The following TRIO variants were observed in gnomAD, a reference collection of about 807,000 sequenced individuals.
The protein encoded by TRIO is trio Rho guanine nucleotide exchange factor.
A neutral mutation model predicts 351.9 loss-of-function variants in TRIO; 58 were observed. That is an observed-to-expected ratio of 0.16 (90% CI 0.13 to 0.21). The LOEUF is 0.21. Ranked by LOEUF, TRIO falls within the 10% of genes least tolerant of loss-of-function variation. The pLI is 1.00. For missense variants in TRIO, 3,201 were observed against 4,027.8 expected (o/e 0.79, Z 5.56); for synonymous variants, 1,758 against 1,595.7 (o/e 1.10, Z -2.42).
chr5:14,316,158 A>G (rs1194466167), intron 8 of TRIO, among the ~76,000 whole-genome samples: 12 of 152,218 alleles, frequency 7.9e-5, no homozygotes, highest in Non-Finnish European at 1.8e-4. Flanking sequence ...CCAGGAATGC[A>G]GTTTCTGTTA....
Position 14,364,800 on chromosome 5 carries a change from A to T in TRIO, c.2738A>T (p.Gln913Leu). The T allele has an allele frequency of 6.2e-7, 1 of 1,608,070 alleles. No homozygotes were observed. The highest frequency in any genetic ancestry group is 8.5e-7 in the Non-Finnish European group (1 of 1,177,694). ...LEQCVQLRHLQAEVKQVLGWI... is the reference protein window; with the variant it reads ...LEQCVQLRHLLAEVKQVLGWI... ...CAGTGCGTGCAGCTGCGCCACCTGC[A>T]GGCAGAAGTGAAACAGGTGAGCAAA... The change falls in exon 15 of 57, where the codon CAG becomes CTG. Residue 913 changes from glutamine (Q) to leucine (L), a missense_variant. Around this residue, in one of 19 missense-constraint regions of TRIO, gnomAD observed 363 missense variants for 553.5 expected, o/e 0.66. Transcript: ENST00000344204.
rs148029927 is a variant in TRIO at position 14,461,536 on chromosome 5, AAAAC to A, written c.5496+241_5496+244del. Among the ~76,000 whole-genome samples, 756 of 152,328 alleles carry A rather than the reference AAAAC, an allele frequency of 5.0e-3. 8 individuals are homozygous for A. The highest frequency in any genetic ancestry group is 0.016 in the African/African-American group (655 of 41,566). ...CAGGACCACGTGTGGCTTCTGATTA[AAAAC>A]AAACAAACAAACAAAACAGATCACC... On this transcript the variant is annotated intron_variant, in intron 35 of 56. Coordinates refer to ENST00000344204, the MANE Select transcript of TRIO (RefSeq NM_007118.4).
At position 14,481,576 on chromosome 5, in the gene TRIO, G is replaced by A. The variant is rs780991314; in HGVS notation, c.6423G>A (p.Arg2141=). ...AAGTCATGTGCATAGTACCCAGGCG[G>A]TGCAACGACATGATGAACGTGGGGC... The part of the protein sequence containing the change: ...AVEVMCIVPR[R]CNDMMNVGRL... The change falls in exon 45 of 57, where the codon CGG becomes CGA. Residue 2141 remains arginine (R), a synonymous_variant. Transcript: ENST00000344204. 46 of 1,613,960 alleles carry A rather than the reference G, an allele frequency of 2.9e-5. No individual in the cohort carries two copies. The highest frequency in any genetic ancestry group is 3.6e-5 in the Non-Finnish European group (43 of 1,180,026).
chr5:14,242,894 A>C (rs559797036), intron 1 of TRIO, among the ~76,000 whole-genome samples: 37 of 152,336 alleles, frequency 2.4e-4, no homozygotes, highest in African/African-American at 8.4e-4. Flanking sequence ...AATGGGAAAC[A>C]CAGGCCCTGC....
chr5:14,190,469 A>G (rs1394348736), intron 1 of TRIO, among the ~76,000 whole-genome samples: 2 of 152,208 alleles, frequency 1.3e-5, no homozygotes, highest in East Asian at 1.9e-4. Context: ...TGTGTGCGAG[A>G]TAAGTCTATT....
At chr5:14,201,584 G>A (rs1322437074) in intron 1 of TRIO, among the ~76,000 whole-genome samples, 1 of 152,138 alleles carries the variant, frequency 6.6e-6, no homozygotes, top group Non-Finnish European at 1.5e-5. Context: ...CTTTCCTGGT[G>A]GGTAGGAGGC....
chr5:14,258,109 G>GT (rs1197452018), intron 1 of TRIO, among the ~76,000 whole-genome samples: 1 of 152,202 alleles, frequency 6.6e-6, no homozygotes, highest in Non-Finnish European at 1.5e-5. Flanking sequence ...ACAAAATTTC[G>GT]TTTTGAGTTG....
chr5:14,369,339 G>A lies in TRIO; in HGVS notation c.3067-35G>A, dbSNP rs767541136. 1.3e-5 allele frequency: 21 copies of A among 1,572,592 alleles called. No individual in the cohort carries two copies. In the East Asian group the frequency reaches 4.5e-4, roughly 34 times the overall value. ...GGGATACCAGTCGGCAGTGGCAGAT[G>A]CCAAGTCTGAGCCTCAAACTTTTCC... is the stretch of plus-strand genomic sequence containing the variant. On this transcript the variant is annotated intron_variant, in intron 17 of 56. Coordinates refer to ENST00000344204, the MANE Select transcript of TRIO (RefSeq NM_007118.4).
chr5:14,449,621 C>T (rs916950280), intron 34 of TRIO, among the ~76,000 whole-genome samples: 3 of 152,220 alleles, frequency 2.0e-5, no homozygotes. Flanking sequence ...GTTTCTAAAG[C>T]ATTCCTGAGC....
chr5:14,356,835 G>A (rs1375168431), intron 11 of TRIO, among the ~76,000 whole-genome samples: 3 of 149,376 alleles, frequency 2.0e-5, no homozygotes, highest in African/African-American at 7.5e-5. Flanking sequence ...TAAATCTCAG[G>A]GTAATTATGC....
At chr5:14,433,407 G>A (rs570213067) in intron 34 of TRIO, among the ~76,000 whole-genome samples, 38 of 152,300 alleles carry the variant, frequency 2.5e-4, no homozygotes, top group East Asian at 7.7e-4. Context: ...TAAAGAAACC[G>A]GAGAAAACTT....
intron 1 of TRIO, among the ~76,000 whole-genome samples, chr5:14,168,598 G>T (rs1788919610): frequency 6.6e-6 from 1 of 152,192 alleles, no homozygotes. Flanking sequence ...TTCTAGTGCT[G>T]TGTTTGTGGT....
chr5:14,264,697 T>C (rs1183746107), intron 1 of TRIO, among the ~76,000 whole-genome samples: 1 of 152,218 alleles, frequency 6.6e-6, no homozygotes, highest in Non-Finnish European at 1.5e-5. Flanking sequence ...CGTGCACAGC[T>C]AAAACCCTTG....
chr5:14,327,641 T>A (rs1442309021), intron 9 of TRIO, among the ~76,000 whole-genome samples: 2 of 152,206 alleles, frequency 1.3e-5, no homozygotes, highest in African/African-American at 4.8e-5. Flanking sequence ...TTTACGTAAG[T>A]TAAGTAATAT....
chr5:14,486,694 T>TAGTTACTTTA (rs1158059632), intron 47 of TRIO, among the ~76,000 whole-genome samples: 1 of 152,188 alleles, frequency 6.6e-6, no homozygotes, highest in African/African-American at 2.4e-5. Context: ...TAGTAATACC[T>TAGTTACTTTA]ATCCCAGAGG....
At chr5:14,330,593 T>C (rs1056962868) in intron 9 of TRIO, among the ~76,000 whole-genome samples, 185 bp from the exon 10 acceptor site, 1 of 152,250 alleles carries the variant, frequency 6.6e-6, no homozygotes, top group Non-Finnish European at 1.5e-5. Flanking sequence ...CTGATGTAAT[T>C]ATCAGCTTGT....
rs256422 is a variant in TRIO at position 14,347,341 on chromosome 5, T to C, written c.2046+10614T>C. On this transcript the variant is annotated intron_variant, in intron 11 of 56. Transcript: ENST00000344204. ...ATGATGCTGGACCAGTCATCTCAGGTGGACCTGAGGTCCTGCAGAACAGAG... is the reference window on the plus strand; with the variant it reads ...ATGATGCTGGACCAGTCATCTCAGGCGGACCTGAGGTCCTGCAGAACAGAG... Among the ~76,000 whole-genome samples the C allele has an allele frequency of 3.6e-3, 85 of 23,448 alleles. 4 individuals carry two copies. The highest frequency in any genetic ancestry group is 4.3e-3 in the Admixed American group (13 of 3,036). The allele number at this position is 23,448 out of a possible 152,430, so 15.4% of individuals were successfully genotyped here. A position where few individuals can be genotyped will look rare whatever the true frequency, so the allele number is the denominator to read the frequency against.
At chr5:14,210,510 CTT>C (rs770494822) in intron 1 of TRIO, among the ~76,000 whole-genome samples, 13 of 152,188 alleles carry the variant, frequency 8.5e-5, no homozygotes, top group Non-Finnish European at 1.6e-4. Flanking sequence ...AGAGGTCTCT[CTT>C]TTCCAGATCT....
At chr5:14,349,046 ATG>A (rs1431863882) in intron 11 of TRIO, among the ~76,000 whole-genome samples, 91 of 139,758 alleles carry the variant, frequency 6.5e-4, no homozygotes, top group Non-Finnish European at 1.0e-3. Flanking sequence ...GCACGTGAGC[ATG>A]TGTTTTTCCT....
Sources: allele counts gnomAD v4.1 joint callset (sites outside exome capture counted in the v4.1 genomes callset), GRCh38; gene constraint gnomAD v4.1.1; regional missense constraint gnomAD v4.1.1; transcripts MANE v1.5; gene names NCBI Gene and HGNC (gene_info 2026-07-23, HGNC 2026-07-21).